The following BORCS8 variants were observed in gnomAD, a reference collection of about 807,000 sequenced individuals.
The protein encoded by BORCS8 is BLOC-1 related complex subunit 8, also known as BLOC-1-related complex subunit 8.
Under a neutral mutation model 18.7 loss-of-function variants are expected in BORCS8, and 13 were observed. That is an observed-to-expected ratio of 0.70 (90% CI 0.45 to 1.11). The LOEUF (loss-of-function observed/expected upper bound fraction) is 1.11, where lower values mean the gene tolerates loss of function less well. Ranked by LOEUF, BORCS8 falls within the 50% of genes least tolerant of loss-of-function variation. The pLI, the probability that BORCS8 is intolerant of heterozygous loss-of-function variation, is 0.00. For missense variants in BORCS8, 165 were observed against 165.7 expected (o/e 1.00, Z 0.02); for synonymous variants, 68 against 64.8 (o/e 1.05, Z -0.24).
Position 19,186,883 on chromosome 19 carries a change from C to CCCAGCTCACCTTGTGCTGGG in BORCS8, c.140_150+9dup. ...ACAGCCCCTGCTCCTCCCAGCAGGCCCCAGCTCACCTTGTGCTGGGCCAGC... is the reference window on the plus strand; with the variant it reads ...ACAGCCCCTGCTCCTCCCAGCAGGCCCCAGCTCACCTTGTGCTGGGCCAGCTCACCTTGTGCTGGGCCAGC... On this transcript the variant is annotated intron_variant, in intron 2 of 5. Coordinates refer to ENST00000462790, the MANE Select transcript of BORCS8 (RefSeq NM_001145784.2). The CCCAGCTCACCTTGTGCTGGG allele has an allele frequency of 1.3e-6, 2 of 1,535,958 alleles. No individual in the cohort carries two copies. The highest frequency in any genetic ancestry group is 2.5e-5 in the East Asian group (1 of 40,650).
Position 19,182,151 on chromosome 19 carries a change from C to T in BORCS8, c.326+422G>A, listed in dbSNP as rs997291385. 2.0e-5 allele frequency: 13 copies of T among 639,636 alleles called. No individual in the cohort carries two copies. The highest frequency in any genetic ancestry group is 2.5e-5 in the Non-Finnish European group (13 of 512,398). 39.6% of individuals were successfully genotyped at this position (639,636 alleles called of 1,614,324 possible). A position where few individuals can be genotyped will look rare whatever the true frequency, so the allele number is the denominator to read the frequency against. On this transcript the variant is annotated intron_variant, in intron 4 of 5. Transcript: ENST00000462790. This position sits in a 1 kb window ranked among gnomAD's most constrained non-coding sequence, Gnocchi z 4.1. ...ACTCCCAGGGATCCCAGCCCCAGAG[C>T]GTCTGCCCTCACCACTGCCCCACAT...
intron 4 of BORCS8, 98 bp from the exon 5 acceptor site, chr19:19,180,859 C>G: frequency 7.8e-7 from 1 of 1,285,316 alleles, no homozygotes; most frequent in Non-Finnish European, 1.1e-6. Context: ...ACTCTGGTCT[C>G]AAAGACCTCT....
At chr19:19,180,245 CGGTCACACAGCA>C in intron 5 of BORCS8, 1 of 204,702 alleles carries the variant, frequency 4.9e-6, no homozygotes, top group South Asian at 6.9e-5. Context: ...TGAATTTGCT[CGGTCACACAGCA>C]GGTAGGCAGT....
intron 3 of BORCS8, among the ~76,000 whole-genome samples, chr19:19,185,789 G>T (rs1711536317): frequency 6.6e-6 from 1 of 152,238 alleles, no homozygotes; most frequent in African/African-American, 2.4e-5. Flanking sequence ...GAGAAATGCT[G>T]GTCCCCAGAG....
At chr19:19,184,879 C>G (rs879305708) in intron 3 of BORCS8, among the ~76,000 whole-genome samples, 2 of 152,170 alleles carry the variant, frequency 1.3e-5, no homozygotes, top group Non-Finnish European at 2.9e-5. Flanking sequence ...GGAGTACAGG[C>G]GTAAGCCCCT....
chr19:19,186,652 C>T (rs1030544961), intron 2 of BORCS8, among the ~76,000 whole-genome samples: 3 of 152,222 alleles, frequency 2.0e-5, no homozygotes, highest in South Asian at 4.1e-4. Context: ...CTGAGGCCTC[C>T]CCAGCCCTGT....
intron 1 of BORCS8, among the ~76,000 whole-genome samples, chr19:19,187,483 A>C (rs1215895607): frequency 2.6e-5 from 4 of 151,876 alleles, no homozygotes; most frequent in Non-Finnish European, 5.9e-5. Context: ...TCTCAAAAAA[A>C]AAAAAAGAGG....
intron 1 of BORCS8, among the ~76,000 whole-genome samples, chr19:19,188,186 C>T (rs546475176): frequency 3.3e-5 from 5 of 152,008 alleles, no homozygotes; most frequent in Non-Finnish European, 5.9e-5. Flanking sequence ...CCCGCCACCA[C>T]GCCCGGCTAA....
At chr19:19,184,125 C>T (rs1270055035) in intron 3 of BORCS8, among the ~76,000 whole-genome samples, 1 of 151,824 alleles carries the variant, frequency 6.6e-6, no homozygotes, top group Admixed American at 6.6e-5. Context: ...AAGTGATCTG[C>T]CCACCTCGGC....
chr19:19,189,661 C>T (rs1207247183), intron 1 of BORCS8, among the ~76,000 whole-genome samples: 9 of 152,170 alleles, frequency 5.9e-5, no homozygotes, highest in Admixed American at 1.3e-4. Flanking sequence ...TGCGGTGGCT[C>T]ACGCCTGTAA....
intron 1 of BORCS8, among the ~76,000 whole-genome samples, chr19:19,187,572 C>T (rs1324905239): frequency 6.7e-6 from 1 of 148,894 alleles, no homozygotes; most frequent in Non-Finnish European, 1.5e-5. Flanking sequence ...CAGAGTCTTG[C>T]TCTGTCATCA....
chr19:19,186,177 G>T, intron 2 of BORCS8, 79 bp from the exon 3 acceptor site: 1 of 1,371,822 alleles, frequency 7.3e-7, no homozygotes, highest in South Asian at 1.2e-5. Flanking sequence ...TCTTGGTTGG[G>T]GCTCTCCTGA....
rs2060298363 is a variant in BORCS8, at chr19:19,177,245, G to A, written c.*258C>T. On this transcript the variant is annotated 3_prime_UTR_variant, in exon 6 of 6. Coordinates refer to ENST00000462790, the MANE Select transcript of BORCS8 (RefSeq NM_001145784.2). Reference sequence around the variant, plus strand: ...GCCTGGGGTGGGCGTTGCTGCTTGAGGCAGAATGCAGGTTGGGAGGGTAGA... The same window carrying A: ...GCCTGGGGTGGGCGTTGCTGCTTGAAGCAGAATGCAGGTTGGGAGGGTAGA... The A allele has an allele frequency of 6.6e-6, 1 of 152,198 alleles. No homozygotes were observed. Among genetic ancestry groups the A allele is most frequent in the African/African-American group, 2.4e-5 (1 of 41,432 alleles). The allele number at this position is 152,198 out of a possible 1,614,324, so 9.4% of individuals were successfully genotyped here.
At chr19:19,180,133 T>C (rs2060334419) in intron 5 of BORCS8, 2 of 159,730 alleles carry the variant, frequency 1.3e-5, no homozygotes, top group Admixed American at 5.9e-5. Context: ...TATGCAGCAA[T>C]AGCCGACTGC....
intron 3 of BORCS8, among the ~76,000 whole-genome samples, chr19:19,185,284 C>T (rs1568566705): frequency 6.6e-6 from 1 of 152,320 alleles, no homozygotes; most frequent in East Asian, 1.9e-4. Context: ...TGTGCAAAGT[C>T]GAGGAACTTC....
At chr19:19,181,839 G>A (rs1217836257) in intron 4 of BORCS8, 18 of 984,402 alleles carry the variant, frequency 1.8e-5, no homozygotes, top group South Asian at 9.4e-5. Context: ...GGAGCCAGAC[G>A]CATCCCAAGG....
At chr19:19,177,692 G>GAAAAGAAAAGAAAA (rs1555777404) in intron 5 of BORCS8, 82 of 48,912 alleles carry the variant, frequency 1.7e-3, no homozygotes, top group African/African-American at 6.2e-3. Context: ...AAGGAAGGAA[G>GAAAAGAAAAGAAAA]GAAGAGAAAA....
At chr19:19,181,609 T>C (rs1277815084) in intron 4 of BORCS8, among the ~76,000 whole-genome samples, 1 of 152,190 alleles carries the variant, frequency 6.6e-6, no homozygotes, top group Non-Finnish European at 1.5e-5. Context: ...CAACTGCCAA[T>C]GCCAACCCAT....
chr19:19,181,577 G>C (rs1211315369), intron 4 of BORCS8, among the ~76,000 whole-genome samples: 1 of 152,170 alleles, frequency 6.6e-6, no homozygotes, highest in Non-Finnish European at 1.5e-5. Flanking sequence ...AAGAGCTATG[G>C]CTTTTCAGTG....
Sources: gnomAD v4.1 joint callset for allele counts (sites outside exome capture counted in the v4.1 genomes callset) on GRCh38, gnomAD v4.1.1 for gene constraint, Gnocchi (gnomAD v3.1) non-coding constraint, MANE v1.5 for transcripts, NCBI Gene and HGNC (gene_info 2026-07-23, HGNC 2026-07-21) for gene names.